Variants in DNAH14 observed in about 807,000 individuals in gnomAD.
The protein encoded by DNAH14 is axonemal beta dynein heavy chain 14.
Under a neutral mutation model 520.9 loss-of-function variants are expected in DNAH14, and 478 were observed. That is an observed-to-expected ratio of 0.92 (90% confidence interval 0.85 to 0.99). The LOEUF is 0.99. DNAH14 is among the 50% of genes least tolerant of loss of function. DNAH14 has a pLI of 0.00. For synonymous variants in DNAH14, 1,581 were observed against 1,757.2 expected (o/e 0.90, Z 2.51); for missense variants, 4,831 against 5,234.5 (o/e 0.92, Z 2.38).
intron 36 of DNAH14, among the ~76,000 whole-genome samples, chr1:225,178,566 G>A (rs2083597252): frequency 1.3e-5 from 2 of 152,112 alleles, no homozygotes; most frequent in Non-Finnish European, 2.9e-5. Flanking sequence ...ATCAGGCTAT[G>A]TTTATCCGAT....
chr1:225,357,803 A>T (rs2095447494), intron 73 of DNAH14: 2 of 702,110 alleles, frequency 2.8e-6, no homozygotes, highest in Non-Finnish European at 5.2e-6. Flanking sequence ...TTTGCTTTAA[A>T]TGATGGAGTC....
intron 54 of DNAH14, among the ~76,000 whole-genome samples, chr1:225,285,955 A>G (rs748035137): frequency 2.0e-5 from 3 of 152,230 alleles, no homozygotes; most frequent in African/African-American, 7.2e-5. Flanking sequence ...CTGTTGATGG[A>G]CATTTGGCTT....
chr1:225,398,773 AT>A, intron 85 of DNAH14, 107 bp downstream of exon 85: 1 of 1,398,512 alleles, frequency 7.2e-7, no homozygotes. Context: ...GGGAGATGTG[AT>A]AATATACTCA....
chr1:225,096,693 T>C (rs2075007394), intron 21 of DNAH14, among the ~76,000 whole-genome samples: 1 of 152,196 alleles, frequency 6.6e-6, no homozygotes, highest in Non-Finnish European at 1.5e-5. Flanking sequence ...TGTATTTATA[T>C]TTATGTAATA....
intron 36 of DNAH14, among the ~76,000 whole-genome samples, chr1:225,169,191 G>A (rs1188764762): frequency 2.0e-5 from 3 of 152,068 alleles, no homozygotes; most frequent in Non-Finnish European, 2.9e-5. Context: ...CCACAAAGAC[G>A]GGGAAAAAAC....
intron 34 of DNAH14, among the ~76,000 whole-genome samples, chr1:225,156,732 T>TTTTTTTTTA (rs2081081838): frequency 9.5e-6 from 1 of 105,354 alleles, no homozygotes; most frequent in Admixed American, 9.6e-5. Flanking sequence ...TTTTTTTTTT[T>TTTTTTTTTA]GAGACGGAGT....
intron 72 of DNAH14, 116 bp from the exon 73 acceptor site, chr1:225,353,687 T>C (rs2095397495): frequency 3.1e-6 from 2 of 651,122 alleles, no homozygotes; most frequent in South Asian, 3.6e-5. Flanking sequence ...AAGTCAGCCA[T>C]GTTTAGAAAA....
chr1:225,019,247 CA>C (rs71170044), intron 10 of DNAH14, among the ~76,000 whole-genome samples: 136,589 of 151,256 alleles, frequency 0.9, 63,178 homozygotes, highest in East Asian at 1. Context: ...AAATGGAAAA[CA>C]AAAAAAAAAG....
rs7512008 is a variant in DNAH14, at chr1:225,215,766, C to T, written c.6439+8546C>T. 5.0e-3 allele frequency among the ~76,000 whole-genome samples: 764 copies of T among 152,158 alleles called. 8 individuals are homozygous for T. Among genetic ancestry groups the T allele is most frequent in the African/African-American group, 0.017 (721 of 41,508 alleles). Reference sequence around the variant, plus strand: ...TTGCTTGGTAGATCTTTCTCCATCCCTTTATTTTGAGCCTGTATGTGTCTC... The same window carrying T: ...TTGCTTGGTAGATCTTTCTCCATCCTTTTATTTTGAGCCTGTATGTGTCTC... On this transcript the variant is annotated intron_variant, in intron 41 of 85. Coordinates refer to ENST00000682510, the MANE Select transcript of DNAH14 (RefSeq NM_001367479.1).
chr1:225,324,113 G>A (rs1241248408), intron 62 of DNAH14, 109 bp from the exon 63 acceptor site: 2 of 1,379,028 alleles, frequency 1.5e-6, no homozygotes, highest in African/African-American at 2.9e-5. Context: ...GCCGCCCCCG[G>A]CCTGAATATT....
chr1:225,300,427 G>T (rs866880066), intron 55 of DNAH14, among the ~76,000 whole-genome samples: 1 of 152,118 alleles, frequency 6.6e-6, no homozygotes, highest in African/African-American at 2.4e-5. Context: ...GAATGAAAAC[G>T]TTAGTTTTAG....
intron 49 of DNAH14, among the ~76,000 whole-genome samples, chr1:225,267,362 C>T (rs1317634062): frequency 5.4e-5 from 8 of 148,794 alleles, no homozygotes; most frequent in African/African-American, 7.4e-5. Flanking sequence ...GGCACAATCA[C>T]GGCTCACTGC....
chr1:225,088,983 G>A (rs1461739797), intron 21 of DNAH14, among the ~76,000 whole-genome samples: 1 of 152,158 alleles, frequency 6.6e-6, no homozygotes, highest in Non-Finnish European at 1.5e-5. Flanking sequence ...GAATAGTCTT[G>A]ACCCAGATGG....
chr1:225,062,975 G>A (rs1244537501), intron 17 of DNAH14, among the ~76,000 whole-genome samples: 2 of 152,034 alleles, frequency 1.3e-5, no homozygotes, highest in Non-Finnish European at 1.5e-5. Context: ...CCCAGAAGCA[G>A]TAAAATGTGA....
intron 8 of DNAH14, among the ~76,000 whole-genome samples, chr1:224,976,390 G>C (rs1253118658): frequency 6.6e-6 from 1 of 152,196 alleles, no homozygotes; most frequent in Admixed American, 6.5e-5. Context: ...AACCCTAGAA[G>C]AAAACCTAGG....
Position 225,139,942 on chromosome 1 carries a change from A to C in DNAH14, c.4255-826A>C, listed in dbSNP as rs551252486. Among the ~76,000 whole-genome samples the C allele has an allele frequency of 7.2e-5, 11 of 152,266 alleles. No individual in the cohort carries two copies. The South Asian group carries it at 2.1e-3, about 29-fold the overall frequency. On this transcript the variant is annotated intron_variant, in intron 27 of 85. Transcript: ENST00000682510. ...TCATCATGAGCTTGCAACATCCTTTAGGAAAGCCAGTTCATTTCTGTTGCA... is the reference window on the plus strand; with the variant it reads ...TCATCATGAGCTTGCAACATCCTTTCGGAAAGCCAGTTCATTTCTGTTGCA...
intron 9 of DNAH14, among the ~76,000 whole-genome samples, chr1:225,005,844 A>G (rs893310024): frequency 6.6e-6 from 1 of 152,148 alleles, no homozygotes; most frequent in African/African-American, 2.4e-5. Context: ...ATGATTTTGT[A>G]TTACCAGAGA....
chr1:225,226,545 CCCGTAGCCT>C (rs2090553969), intron 41 of DNAH14, among the ~76,000 whole-genome samples: 1 of 152,206 alleles, frequency 6.6e-6, no homozygotes, highest in Non-Finnish European at 1.5e-5. Context: ...GGAGGACAAG[CCCGTAGCCT>C]CCAGTTAGGC....
intron 35 of DNAH14, among the ~76,000 whole-genome samples, chr1:225,163,137 CA>C (rs34356854): frequency 0.2 from 10,694 of 53,524 alleles, 274 homozygotes; most frequent in East Asian, 0.38. Flanking sequence ...GACCCTATCT[CA>C]AAAAAAAAAA....
Sources: gnomAD v4.1 joint callset for allele counts (sites outside exome capture counted in the v4.1 genomes callset) on GRCh38, gnomAD v4.1.1 for gene constraint, MANE v1.5 for transcripts, NCBI Gene and HGNC (gene_info 2026-07-23, HGNC 2026-07-21) for gene names.